Variants in CFAP44 observed in about 807,000 individuals in gnomAD.
CFAP44 encodes the protein cilia and flagella associated protein 44, also known as cilia- and flagella-associated protein 44.
CFAP44 carries 134 observed loss-of-function variants against 216.2 expected under a neutral mutation model. The observed-to-expected ratio is 0.62, with a 90% CI of 0.54 to 0.72. The LOEUF is 0.72. CFAP44 is among the 30% of genes least tolerant of loss of function. The probability of loss-of-function intolerance (pLI) is 0.00; values close to 1 mark genes in which losing one functional copy is unlikely to be tolerated. For missense variants in CFAP44, 2,035 were observed against 2,182.1 expected (o/e 0.93, Z 1.34); for synonymous variants, 700 against 727.6 (o/e 0.96, Z 0.61).
chr3:113,333,384 C>T, intron 25 of CFAP44, 22 bp downstream of exon 25: 1 of 1,531,736 alleles, frequency 6.5e-7, no homozygotes, highest in South Asian at 1.2e-5. Context: ...TCTCCATTGT[C>T]ATAAAATCTG....
At position 113,326,627 on chromosome 3, in the gene CFAP44, T is replaced by C; in HGVS notation, c.4334A>G (p.Glu1445Gly). The C allele has an allele frequency of 2.0e-6, 3 of 1,490,688 alleles. No homozygotes were observed. The highest frequency in any genetic ancestry group is 2.7e-6 in the Non-Finnish European group (3 of 1,130,728). The allele number at this position is 1,490,688 out of a possible 1,614,324, so 92.3% of individuals were successfully genotyped here. A position where few individuals can be genotyped will look rare whatever the true frequency, so the allele number is the denominator to read the frequency against. ...EEQYMQWKIN[E>G]TLKEMEEKKN... ...TTTCTCTTCCATCTCTTTAAGAGTT[T>C]CATTTATTTTCCACTAAATGAATAA... The change falls in exon 28 of 35, where the codon GAA (glutamate) becomes GGA (glycine). Residue 1445 changes from glutamate (E) to glycine (G), a missense_variant. Transcript: ENST00000393845.
At position 113,349,338 on chromosome 3, in the gene CFAP44, C is replaced by T. The variant is rs1230383044; in HGVS notation, c.3066-4626G>A. On this transcript the variant is annotated intron_variant, in intron 22 of 34. Coordinates refer to ENST00000393845, the MANE Select transcript of CFAP44 (RefSeq NM_001164496.2). ...GAAAGCTCCAAAAGCTAGCCCTGGG[C>T]CCTGAACAAAATCTGGAGGCATTAT... Among the ~76,000 whole-genome samples the T allele has an allele frequency of 2.6e-5, 4 of 152,258 alleles. No individual in the cohort carries two copies. The East Asian group carries it at 7.7e-4, about 29-fold the overall frequency.
Position 113,380,968 on chromosome 3 carries a change from T to C in CFAP44, c.1983A>G (p.Val661=). 1 of 1,599,072 alleles carries C rather than the reference T, an allele frequency of 6.3e-7. No individual in the cohort carries two copies. Among genetic ancestry groups the C allele is most frequent in the Non-Finnish European group, 8.5e-7 (1 of 1,172,662 alleles). ...TIKQEEDDHD[V]VSYEIKDMCI... ...ACATGTCTTTGATTTCATAGGAGAC[T>C]ACATCATGATCATCCTCTTCTTGCT... Residue 661 remains valine, a synonymous_variant, in exon 16 of 35, where the codon GTA becomes GTG. Transcript: ENST00000393845.
Position 113,289,057 on chromosome 3 carries a change from G to T in CFAP44, c.*2500C>A, listed in dbSNP as rs544209000. 2.4e-4 allele frequency: 36 copies of T among 152,278 alleles called. No homozygotes were observed. The highest frequency in any genetic ancestry group is 8.7e-4 in the African/African-American group (36 of 41,548). 9.4% of individuals were successfully genotyped at this position (152,278 alleles called of 1,614,324 possible). A position where few individuals can be genotyped will look rare whatever the true frequency, so the allele number is the denominator to read the frequency against. ...AGGCAGGGAAGTGTGCCAGGAGCAGGATAGCTTCCCAGCCACCCTGCCCAT... is the reference window on the plus strand; with the variant it reads ...AGGCAGGGAAGTGTGCCAGGAGCAGTATAGCTTCCCAGCCACCCTGCCCAT... On this transcript the variant is annotated 3_prime_UTR_variant, in exon 35 of 35. Transcript: ENST00000393845.
At chr3:113,376,483 A>G (rs1012869989) in intron 17 of CFAP44, among the ~76,000 whole-genome samples, 1 of 152,234 alleles carries the variant, frequency 6.6e-6, no homozygotes, top group Non-Finnish European at 1.5e-5. Context: ...GGAGTATTTC[A>G]AACTTCAAAG....
At chr3:113,343,208 T>A (rs2107821011) in intron 23 of CFAP44, among the ~76,000 whole-genome samples, 1 of 151,894 alleles carries the variant, frequency 6.6e-6, no homozygotes, top group East Asian at 2.0e-4. Context: ...ACTACAGGAA[T>A]GTGCCACCGT....
chr3:113,379,264 T>C (rs750775241), intron 17 of CFAP44, 42 bp downstream of exon 17: 20 of 1,394,724 alleles, frequency 1.4e-5, no homozygotes, highest in East Asian at 7.1e-5. Flanking sequence ...ATAAACTATA[T>C]TGAAATATGA....
intron 28 of CFAP44, 81 bp from the exon 29 acceptor site, chr3:113,308,349 C>A: frequency 1.8e-6 from 2 of 1,136,468 alleles, no homozygotes; most frequent in Non-Finnish European, 2.4e-6. Context: ...AACTATTTTT[C>A]AATGAGTTAG....
chr3:113,334,332 A>G (rs1300771434), intron 24 of CFAP44, among the ~76,000 whole-genome samples: 7 of 152,212 alleles, frequency 4.6e-5, no homozygotes, highest in Non-Finnish European at 8.8e-5. Flanking sequence ...ATGAGCATAC[A>G]TATTTGCCTC....
chr3:113,355,083 G>A lies in CFAP44; in HGVS notation c.3065+3662C>T, dbSNP rs1576565891. Among the ~76,000 whole-genome samples, 10 of 152,258 alleles carry A rather than the reference G, an allele frequency of 6.6e-5. No individual in the cohort carries two copies. The South Asian group carries it at 2.1e-3, about 32-fold the overall frequency. On this transcript the variant is annotated intron_variant, in intron 22 of 34. Transcript: ENST00000393845. ...CTGGGACCCAGGGGAAAGGGTGGGG[G>A]ATGGTGAAGGATTAAAGACTACACA...
chr3:113,355,612 C>T (rs1358570872), intron 22 of CFAP44, among the ~76,000 whole-genome samples: 19 of 152,144 alleles, frequency 1.2e-4, no homozygotes, highest in Non-Finnish European at 2.9e-5. Flanking sequence ...CAAACTATCA[C>T]AAGGACAGAA....
chr3:113,401,256 A>T lies in CFAP44; in HGVS notation c.1358T>A (p.Leu453His). 6.3e-7 allele frequency: 1 copy of T among 1,587,584 alleles called. No homozygotes were observed. The highest frequency in any genetic ancestry group is 8.5e-7 in the Non-Finnish European group (1 of 1,171,826). Residue 453 changes from leucine (L) to histidine (H), a missense_variant, in exon 11 of 35, where the codon CTT becomes CAT. By Grantham distance (99) the Leu-to-His change is moderately conservative. Around this residue, in one of 3 missense-constraint regions of CFAP44, gnomAD observed 1,883 missense variants for 2,023.7 expected, o/e 0.93. Transcript: ENST00000393845. The stretch of plus-strand genomic sequence containing the variant: ...GCAACTTACAATATTTGAAAAACTA[A>T]GGTCAAGCTTCCATATGGCTCCATT... Reference protein sequence around the residue: ...DANGAIWKLDLSFSNITQDPE... With the variant: ...DANGAIWKLDHSFSNITQDPE...
intron 1 of CFAP44, 40 bp downstream of exon 1, chr3:113,441,413 G>C (rs920774201): frequency 1.0e-6 from 1 of 985,788 alleles, no homozygotes; most frequent in African/African-American, 1.7e-5. Flanking sequence ...ATTTAAGGGG[G>C]AGGGTGTGGA....
At chr3:113,378,391 A>G (rs1933412175) in intron 17 of CFAP44, among the ~76,000 whole-genome samples, 1 of 152,170 alleles carries the variant, frequency 6.6e-6, no homozygotes, top group African/African-American at 2.4e-5. Context: ...GATGTCTCCA[A>G]TGCTATTTTC....
chr3:113,300,889 G>A (rs902166752), intron 32 of CFAP44, among the ~76,000 whole-genome samples: 37 of 152,088 alleles, frequency 2.4e-4, no homozygotes, highest in African/African-American at 8.7e-4. Context: ...GGACTCTTAA[G>A]TGCCGCTGAT....
chr3:113,403,437 A>C (rs1361315078), intron 9 of CFAP44, among the ~76,000 whole-genome samples: 1 of 152,226 alleles, frequency 6.6e-6, no homozygotes, highest in Non-Finnish European at 1.5e-5. Flanking sequence ...AAACTCCATC[A>C]GTTCACCTCT....
intron 1 of CFAP44, chr3:113,433,884 C>A: frequency 2.6e-6 from 1 of 378,892 alleles, no homozygotes; most frequent in Non-Finnish European, 4.8e-6. Flanking sequence ...GATTCTCTTT[C>A]TCTAGGTAAA....
chr3:113,384,218 C>A (rs1158506479), intron 15 of CFAP44, among the ~76,000 whole-genome samples: 1 of 152,058 alleles, frequency 6.6e-6, no homozygotes, highest in Non-Finnish European at 1.5e-5. Flanking sequence ...GCCACCACGC[C>A]TGGGTAATTT....
chr3:113,306,126 T>C (rs1355393018), intron 30 of CFAP44, 75 bp downstream of exon 30: 5 of 1,451,374 alleles, frequency 3.4e-6, no homozygotes, highest in Non-Finnish European at 4.5e-6. Context: ...TTGTCATTGC[T>C]ATAAAAAGGC....
Sources: allele counts gnomAD v4.1 joint callset (sites outside exome capture counted in the v4.1 genomes callset), GRCh38; gene constraint gnomAD v4.1.1; regional missense constraint gnomAD v4.1.1; transcripts MANE v1.5; gene names NCBI Gene and HGNC (gene_info 2026-07-23, HGNC 2026-07-21).